LRP1B: variants seen among roughly 807,000 people sequenced by gnomAD.
The protein encoded by LRP1B is low-density lipoprotein receptor-related protein 1B.
A neutral mutation model predicts 556.6 loss-of-function variants in LRP1B; 217 were observed. The observed-to-expected ratio is 0.39, with a 90% CI of 0.35 to 0.44. LRP1B has a LOEUF of 0.44. LRP1B is among the 20% of genes least tolerant of loss of function. The probability of loss-of-function intolerance (pLI) is 1.00; values close to 1 mark genes in which losing one functional copy is unlikely to be tolerated. For missense variants in LRP1B, 5,053 were observed against 5,620.8 expected, an observed-to-expected ratio of 0.90 and a Z score of 3.23; for synonymous variants, 2,047 against 1,865.8, an observed-to-expected ratio of 1.10 and a Z score of -2.50.
intron 1 of LRP1B, among the ~76,000 whole-genome samples, chr2:142,100,267 C>T (rs912060008): frequency 2.0e-5 from 3 of 151,896 alleles, no homozygotes; most frequent in African/African-American, 4.8e-5. Flanking sequence ...CAAGGCATCA[C>T]GCTGCAATGC....
At chr2:141,738,648 GTTAAA>G (rs1432798867) in intron 2 of LRP1B, among the ~76,000 whole-genome samples, 1 of 152,208 alleles carries the variant, frequency 6.6e-6, no homozygotes, top group East Asian at 1.9e-4. Context: ...AGTTTTCATG[GTTAAA>G]GTTAGATTTA....
rs553823803 is a variant in LRP1B at position 141,067,107 on chromosome 2, C to T, written c.1014-4834G>A. 6.6e-5 allele frequency among the ~76,000 whole-genome samples: 10 copies of T among 151,890 alleles called. No homozygotes were observed. The East Asian group carries it at 1.4e-3, about 21-fold the overall frequency. ...CAAATAGCATCAATAGTAACATAAC[C>T]TCATTTTTTATGCCATTGTACCTTG... On this transcript the variant is annotated intron_variant, in intron 7 of 90. Transcript: ENST00000389484.
chr2:140,806,041 T>C (rs1211109952), intron 32 of LRP1B, among the ~76,000 whole-genome samples: 2 of 149,892 alleles, frequency 1.3e-5, no homozygotes, highest in African/African-American at 4.9e-5. Context: ...AGTGAACTTA[T>C]AAAAGGATCC....
intron 43 of LRP1B, among the ~76,000 whole-genome samples, chr2:140,593,915 G>A (rs1335973473): frequency 6.6e-6 from 1 of 152,048 alleles, no homozygotes; most frequent in African/African-American, 2.4e-5. Flanking sequence ...AGTTGTAAGT[G>A]TGAGTTGTAA....
chr2:140,931,169 T>C (rs530641762), intron 20 of LRP1B, among the ~76,000 whole-genome samples: 19 of 152,284 alleles, frequency 1.2e-4, no homozygotes, highest in Admixed American at 3.9e-4. Context: ...ATCTCTGCTG[T>C]GAACTAACAA....
At chr2:141,746,978 G>A (rs115150608) in intron 2 of LRP1B, among the ~76,000 whole-genome samples, 805 of 50,648 alleles carry the variant, frequency 0.016, 4 homozygotes, top group Non-Finnish European at 0.027. Context: ...TTTGATGAGC[G>A]TCCTTCATGT....
At chr2:140,913,090 T>C (rs1453242428) in intron 21 of LRP1B, among the ~76,000 whole-genome samples, 1 of 151,900 alleles carries the variant, frequency 6.6e-6, no homozygotes, top group Non-Finnish European at 1.5e-5. Context: ...AACTATATTA[T>C]TATAATGCCT....
chr2:142,007,516 G>A (rs549116687), intron 1 of LRP1B, among the ~76,000 whole-genome samples: 1 of 152,198 alleles, frequency 6.6e-6, no homozygotes, highest in East Asian at 1.9e-4. Flanking sequence ...AATACGAATG[G>A]GTTCTCAGTG....
chr2:141,192,551 T>C (rs1015983623), intron 6 of LRP1B, among the ~76,000 whole-genome samples: 30 of 152,008 alleles, frequency 2.0e-4, no homozygotes, highest in Middle Eastern at 3.4e-3. Flanking sequence ...TGGAACAAAA[T>C]TTTAAATATT....
chr2:141,714,275 TA>T (rs1317722320), intron 2 of LRP1B, among the ~76,000 whole-genome samples: 2 of 152,150 alleles, frequency 1.3e-5, no homozygotes, highest in Non-Finnish European at 2.9e-5. Context: ...AAACTGTTCT[TA>T]ACAAGCATCT....
rs963960104 is a variant in LRP1B at position 140,232,497 on chromosome 2, A to G, written c.*689T>C. On this transcript the variant is annotated 3_prime_UTR_variant, in exon 91 of 91. Coordinates refer to ENST00000389484, the MANE Select transcript of LRP1B (RefSeq NM_018557.3). ...TGCTATGTTCTACCACCTAAATATAACTATTGCTTACAAGGTGTATACATT... is the reference window on the plus strand; with the variant it reads ...TGCTATGTTCTACCACCTAAATATAGCTATTGCTTACAAGGTGTATACATT... The G allele has an allele frequency of 6.6e-6, 1 of 151,776 alleles. No individual in the cohort carries two copies. Among genetic ancestry groups the G allele is most frequent in the African/African-American group, 2.4e-5 (1 of 41,328 alleles). The allele number at this position is 151,776 out of a possible 1,614,324, so 9.4% of individuals were successfully genotyped here.
intron 82 of LRP1B, 76 bp from the exon 83 acceptor site, chr2:140,315,175 T>C (rs772628239): frequency 1.0e-6 from 1 of 981,246 alleles, no homozygotes; most frequent in South Asian, 2.1e-5. Flanking sequence ...ATAGATACAA[T>C]ATTTAAATAC....
chr2:141,956,949 G>T (rs961817159), intron 1 of LRP1B, among the ~76,000 whole-genome samples: 8 of 151,902 alleles, frequency 5.3e-5, no homozygotes, highest in Non-Finnish European at 8.8e-5. Context: ...CAAAACAAAA[G>T]AATATATTAA....
chr2:142,008,367 G>T (rs1205841405), intron 1 of LRP1B, among the ~76,000 whole-genome samples: 10 of 152,180 alleles, frequency 6.6e-5, no homozygotes, highest in Non-Finnish European at 1.0e-4. Context: ...TCAGGGCCTG[G>T]ACCTCTCCTT....
At chr2:142,028,065 C>T (rs1263005586) in intron 1 of LRP1B, among the ~76,000 whole-genome samples, 1 of 151,972 alleles carries the variant, frequency 6.6e-6, no homozygotes, top group East Asian at 1.9e-4. Context: ...CATTCATTTA[C>T]TACATAATTA....
At chr2:141,658,206 G>C (rs1690086588) in intron 2 of LRP1B, among the ~76,000 whole-genome samples, 1 of 152,190 alleles carries the variant, frequency 6.6e-6, no homozygotes, top group Non-Finnish European at 1.5e-5. Flanking sequence ...TCAACAAGTA[G>C]CTTTCAGCTA....
intron 66 of LRP1B, among the ~76,000 whole-genome samples, chr2:140,406,151 A>G (rs774574023): frequency 2.6e-5 from 4 of 152,142 alleles, no homozygotes; most frequent in South Asian, 2.1e-4. Flanking sequence ...TTGGTTTATG[A>G]TAAAAACACT....
chr2:140,796,334 T>C (rs1553535912), intron 32 of LRP1B, among the ~76,000 whole-genome samples: 1 of 152,106 alleles, frequency 6.6e-6, no homozygotes, highest in Non-Finnish European at 1.5e-5. Context: ...TATGATATAC[T>C]TTGAGATTGT....
intron 1 of LRP1B, among the ~76,000 whole-genome samples, chr2:141,876,265 T>C (rs1454128832): frequency 6.6e-6 from 1 of 151,996 alleles, no homozygotes; most frequent in Non-Finnish European, 1.5e-5. Flanking sequence ...CAAATATCCA[T>C]ACCATTTTCT....
Sources: gnomAD v4.1 joint callset for allele counts (sites outside exome capture counted in the v4.1 genomes callset) on GRCh38, gnomAD v4.1.1 for gene constraint, MANE v1.5 for transcripts, NCBI Gene and HGNC (gene_info 2026-07-23, HGNC 2026-07-21) for gene names.